GATAD2A: variants seen among roughly 807,000 people sequenced by gnomAD.
The protein encoded by GATAD2A is GATA zinc finger domain containing 2A, also known as transcriptional repressor p66-alpha.
In GATAD2A, 12 loss-of-function variants were observed where a neutral mutation model predicts 68.5. The ratio of observed to expected loss-of-function variants is 0.18; its 90% CI spans 0.11 to 0.28. The LOEUF is 0.28. Ranked by LOEUF, GATAD2A falls within the 10% of genes least tolerant of loss-of-function variation. The pLI is 1.00. For synonymous variants in GATAD2A, 410 were observed against 375.3 expected, an observed-to-expected ratio of 1.09 and a Z score of -1.07; for missense variants, 755 against 868.5, an observed-to-expected ratio of 0.87 and a Z score of 1.64.
intron 1 of GATAD2A, among the ~76,000 whole-genome samples, chr19:19,426,328 C>T (rs2053088769): frequency 6.6e-6 from 1 of 152,084 alleles, no homozygotes; most frequent in Non-Finnish European, 1.5e-5. Flanking sequence ...ATGAGCTAGT[C>T]ATCTCCATTC....
chr19:19,486,395 C>A (rs1033241756), intron 2 of GATAD2A, among the ~76,000 whole-genome samples: 5 of 152,358 alleles, frequency 3.3e-5, no homozygotes, highest in African/African-American at 1.2e-4. Flanking sequence ...ATGCTCCTAT[C>A]CCCTTCAAGG....
intron 1 of GATAD2A, among the ~76,000 whole-genome samples, chr19:19,398,862 C>T (rs2049475733): frequency 6.6e-6 from 1 of 151,570 alleles, no homozygotes; most frequent in African/African-American, 2.4e-5. Context: ...AGTTTAAGAC[C>T]AGCCTGGCCA....
intron 1 of GATAD2A, among the ~76,000 whole-genome samples, chr19:19,391,572 T>A (rs988693842): frequency 6.6e-6 from 1 of 152,226 alleles, no homozygotes; most frequent in African/African-American, 2.4e-5. Flanking sequence ...TACCACAGAC[T>A]TCACTTTGGT....
At chr19:19,501,484 G>GC in intron 9 of GATAD2A, 68 bp downstream of exon 9, 1 of 1,223,270 alleles carries the variant, frequency 8.2e-7, no homozygotes. Flanking sequence ...TCCACCCCAC[G>GC]CCTGCGCTGC....
chr19:19,487,481 G>T (rs1407317131), intron 2 of GATAD2A, among the ~76,000 whole-genome samples: 1 of 151,506 alleles, frequency 6.6e-6, no homozygotes, highest in African/African-American at 2.4e-5. Flanking sequence ...ACTTAGATGG[G>T]CTTGCTGGGC....
intron 1 of GATAD2A, among the ~76,000 whole-genome samples, chr19:19,412,126 T>C (rs1007302282): frequency 2.1e-4 from 32 of 151,758 alleles, no homozygotes; most frequent in African/African-American, 7.2e-4. Flanking sequence ...CGCTTTTTTT[T>C]CTCTCTCTTT....
rs1196995068 is a variant in GATAD2A at position 19,506,130 on chromosome 19, C to A, written c.*656C>A. 1 of 398,988 alleles carries A rather than the reference C, an allele frequency of 2.5e-6. No individual in the cohort carries two copies. The highest frequency in any genetic ancestry group is 4.4e-6 in the Non-Finnish European group (1 of 226,066). The allele number at this position is 398,988 out of a possible 1,614,324, so 24.7% of individuals were successfully genotyped here. ...GCCCCTGGCAGGGACGGCCGGCCCG[C>A]CCCCGTGACTGACTGACAGATGCAG... On this transcript the variant is annotated 3_prime_UTR_variant, in exon 12 of 12. Transcript: ENST00000683918.
At chr19:19,425,939 C>T (rs574648146) in intron 1 of GATAD2A, among the ~76,000 whole-genome samples, 7 of 152,010 alleles carry the variant, frequency 4.6e-5, no homozygotes, top group South Asian at 2.1e-4. Context: ...ACAGGTGCTC[C>T]GCCACGCCTG....
Position 19,424,416 on chromosome 19 carries a change from G to A in GATAD2A, c.-7+18397G>A, listed in dbSNP as rs113354731. ...AGCTAATTTTTGTATTTTTTGTAAA[G>A]ACGGAGTTTTGCTATTTTGCCCAGG... is the stretch of plus-strand genomic sequence containing the variant. On this transcript the variant is annotated intron_variant, in intron 1 of 11. Coordinates refer to ENST00000683918, the MANE Select transcript of GATAD2A (RefSeq NM_001384528.1). 7.2e-5 allele frequency among the ~76,000 whole-genome samples: 11 copies of A among 152,160 alleles called. 1 individual carries two copies. The highest frequency in any genetic ancestry group is 2.6e-4 in the African/African-American group (11 of 41,512).
chr19:19,452,873 A>G (rs2056532170), intron 1 of GATAD2A, among the ~76,000 whole-genome samples: 1 of 152,128 alleles, frequency 6.6e-6, no homozygotes. Flanking sequence ...AGGTCACACT[A>G]GCTGGGTGTG....
In GATAD2A at chr19:19,398,452, C is replaced by T. The variant is rs140109379; in HGVS notation, c.-7+12314C>T. On this transcript the variant is annotated intron_variant, in intron 1 of 11. Coordinates refer to the GATAD2A transcript ENST00000360315. ...CTGACCTCAGGCGATCCGCTTGCCT[C>T]GGCCTCCCAAAGTGCTGGGATTACA... 4.7e-3 allele frequency among the ~76,000 whole-genome samples: 720 copies of T among 151,998 alleles called. 6 individuals are homozygous for T. The highest frequency in any genetic ancestry group is 0.04 in the South Asian group (194 of 4,802).
intron 1 of GATAD2A, among the ~76,000 whole-genome samples, chr19:19,421,849 C>T (rs1294609246): frequency 1.3e-5 from 2 of 151,430 alleles, no homozygotes; most frequent in African/African-American, 2.4e-5. Flanking sequence ...GACAGAGTCT[C>T]ACTCTGTTGC....
At chr19:19,462,798 C>G (rs2057552296) in intron 1 of GATAD2A, among the ~76,000 whole-genome samples, 1 of 152,210 alleles carries the variant, frequency 6.6e-6, no homozygotes, top group Admixed American at 6.5e-5. Context: ...CCCCCCTGAT[C>G]TGGCTGTCAG....
intron 1 of GATAD2A, among the ~76,000 whole-genome samples, chr19:19,436,431 G>C (rs769000265): frequency 3.3e-5 from 5 of 152,230 alleles, no homozygotes; most frequent in Non-Finnish European, 7.3e-5. Context: ...AAACCATTCT[G>C]ATTGGTCATT....
chr19:19,497,235 A>G (rs560544278), intron 7 of GATAD2A, among the ~76,000 whole-genome samples: 1 of 152,332 alleles, frequency 6.6e-6, no homozygotes, highest in Admixed American at 6.5e-5. Flanking sequence ...AGCTGGGACT[A>G]CAGGCGCCTG....
chr19:19,410,287 C>G (rs1186795709), intron 1 of GATAD2A, among the ~76,000 whole-genome samples: 2 of 146,268 alleles, frequency 1.4e-5, no homozygotes, highest in African/African-American at 5.0e-5. Context: ...ATGAGCAGTA[C>G]TCTAAAGGAG....
rs753822072 is a variant in GATAD2A at position 19,502,351 on chromosome 19, GGGTTCGGCCACGACGCCCCGA to G, written c.1603_1623del (p.Ser535_Gly541del). 2 of 1,612,392 alleles carry G rather than the reference GGGTTCGGCCACGACGCCCCGA, an allele frequency of 1.2e-6. No homozygotes were observed. Among genetic ancestry groups the G allele is most frequent in the South Asian group, 2.2e-5 (2 of 91,008 alleles). ...TGCAGGCCTCCAGCCAGCTGTCCCG[GGGTTCGGCCACGACGCCCCGA>G]GGTGTCCTGCACACGTTCAGTCCGT... On this transcript the variant is annotated inframe_deletion, in exon 11 of 12. Transcript: ENST00000683918.
intron 2 of GATAD2A, among the ~76,000 whole-genome samples, chr19:19,469,802 C>T (rs1368282081): frequency 6.6e-6 from 1 of 152,080 alleles, no homozygotes; most frequent in Non-Finnish European, 1.5e-5. Context: ...CAAAAATTAG[C>T]CAGGCGTGGT....
chr19:19,390,484 T>TC (rs1292110303), intron 1 of GATAD2A, among the ~76,000 whole-genome samples: 1 of 152,090 alleles, frequency 6.6e-6, no homozygotes, highest in Admixed American at 6.6e-5. Context: ...GAAAACCCAC[T>TC]CCCCTACTGC....
Sources: gnomAD v4.1 joint callset for allele counts (sites outside exome capture counted in the v4.1 genomes callset) on GRCh38, gnomAD v4.1.1 for gene constraint, MANE v1.5 for transcripts, NCBI Gene and HGNC (gene_info 2026-07-23, HGNC 2026-07-21) for gene names.